Variants in SOX6 observed in about 807,000 individuals in gnomAD.
SOX6 encodes transcription factor SOX-6.
Under a neutral mutation model 97.8 loss-of-function variants are expected in SOX6, and 11 were observed. That is an observed-to-expected ratio of 0.11 (90% CI 0.07 to 0.19). The LOEUF is 0.19. SOX6 is among the 10% of genes least tolerant of loss of function. The probability of loss-of-function intolerance (pLI) is 1.00; values close to 1 mark genes in which losing one functional copy is unlikely to be tolerated. For synonymous variants in SOX6, 360 were observed against 371.4 expected (o/e 0.97, Z 0.35); for missense variants, 810 against 1,039.5 (o/e 0.78, Z 3.04).
At chr11:16,429,020 G>C (rs183109330) in intron 1 of SOX6, among the ~76,000 whole-genome samples, 1 of 151,726 alleles carries the variant, frequency 6.6e-6, no homozygotes, top group East Asian at 1.9e-4. Flanking sequence ...GGTTCTCCTT[G>C]AACAGGCACT....
chr11:16,612,765 C>G (rs1056753756), intron 3 of SOX6, among the ~76,000 whole-genome samples: 1 of 152,074 alleles, frequency 6.6e-6, no homozygotes, highest in African/African-American at 2.4e-5. Context: ...CCATTCCCCT[C>G]TAATGAGACG....
chr11:16,686,032 C>A (rs945469579), intron 3 of SOX6, among the ~76,000 whole-genome samples: 1 of 152,234 alleles, frequency 6.6e-6, no homozygotes, highest in Non-Finnish European at 1.5e-5. Context: ...AGCCATGATG[C>A]GGAAGGTTGT....
chr11:16,254,275 A>G (rs1853613598), intron 3 of SOX6, among the ~76,000 whole-genome samples: 1 of 152,104 alleles, frequency 6.6e-6, no homozygotes, highest in Non-Finnish European at 1.5e-5. Context: ...AAGGAAGAGC[A>G]TTAATAAAAG....
At position 16,290,279 on chromosome 11, in the gene SOX6, T is replaced by C. The variant is rs530573489; in HGVS notation, c.445+28167A>G. On this transcript the variant is annotated intron_variant, in intron 3 of 15. Coordinates refer to ENST00000683767, the MANE Select transcript of SOX6 (RefSeq NM_001367873.1). ...TAAATAAAATAGCTTTCAAGTTTTC[T>C]TAGTTGGTGAATTATTTCCATCTGA... Among the ~76,000 whole-genome samples, 4 of 152,182 alleles carry C rather than the reference T, an allele frequency of 2.6e-5. No individual in the cohort carries two copies. In the East Asian group the frequency reaches 7.7e-4, roughly 29 times the overall value.
rs191232264 is a variant in SOX6, at chr11:16,399,485, T to C, written c.-4-58233A>G. Among the ~76,000 whole-genome samples the C allele has an allele frequency of 2.3e-3, 344 of 151,434 alleles. 1 individual carries two copies. The highest frequency in any genetic ancestry group is 7.6e-3 in the African/African-American group (314 of 41,432). On this transcript the variant is annotated intron_variant, in intron 1 of 15. Transcript: ENST00000396356. ...AAGTGATCCTCTCACCTCAGCCTCC[T>C]GAGTACTACATTATTTTTAAAGGAA...
intron 2 of SOX6, among the ~76,000 whole-genome samples, chr11:16,717,877 T>A (rs1848229858): frequency 2.0e-5 from 3 of 152,040 alleles, no homozygotes. Context: ...TTTTTTTTTT[T>A]TAAGCTTTTC....
At chr11:16,131,617 T>C (rs1417128660) in intron 6 of SOX6, among the ~76,000 whole-genome samples, 1 of 151,564 alleles carries the variant, frequency 6.6e-6, no homozygotes, top group Non-Finnish European at 1.5e-5. Context: ...TGAAAACATA[T>C]GTCTGCATAG....
chr11:16,629,221 T>G (rs1296278797), intron 3 of SOX6, among the ~76,000 whole-genome samples: 2 of 152,208 alleles, frequency 1.3e-5, no homozygotes, highest in Non-Finnish European at 2.9e-5. Flanking sequence ...AGCATGACAT[T>G]GGCTGTGGTG....
intron 4 of SOX6, among the ~76,000 whole-genome samples, chr11:16,583,617 A>ATATATATATATATATATATATACATATG (rs1848056460): frequency 2.4e-5 from 2 of 82,460 alleles, no homozygotes; most frequent in Non-Finnish European, 2.4e-5. Context: ...ATATATACAT[A>ATATATATATATATATATATATACATATG]TATATATATA....
intron 4 of SOX6, among the ~76,000 whole-genome samples, chr11:16,231,819 G>T (rs1191900107): frequency 1.3e-5 from 2 of 151,574 alleles, no homozygotes; most frequent in East Asian, 3.9e-4. Context: ...TATTTTAGAA[G>T]ATAACTCAAT....
chr11:16,403,416 T>G (rs1167316278), intron 1 of SOX6, among the ~76,000 whole-genome samples: 1 of 151,768 alleles, frequency 6.6e-6, no homozygotes, highest in Non-Finnish European at 1.5e-5. Flanking sequence ...TGTAGAATTG[T>G]TTTCTTTTGA....
intron 9 of SOX6, among the ~76,000 whole-genome samples, chr11:16,093,672 T>A (rs1848737311): frequency 1.3e-5 from 2 of 151,934 alleles, no homozygotes; most frequent in African/African-American, 4.8e-5. Context: ...CCAGTTAATA[T>A]CATTGTAATG....
At chr11:16,428,166 T>C (rs1263406381) in intron 1 of SOX6, among the ~76,000 whole-genome samples, 2 of 152,168 alleles carry the variant, frequency 1.3e-5, no homozygotes, top group Non-Finnish European at 2.9e-5. Flanking sequence ...CGCCCACTTT[T>C]TGATGGGGTT....
chr11:15,984,062 A>G (rs1359800983), intron 15 of SOX6, among the ~76,000 whole-genome samples: 1 of 152,134 alleles, frequency 6.6e-6, no homozygotes, highest in Non-Finnish European at 1.5e-5. Context: ...GCTCTTTATC[A>G]CCTTTCTGTA....
intron 3 of SOX6, among the ~76,000 whole-genome samples, chr11:16,243,084 C>T (rs1853240186): frequency 1.3e-5 from 2 of 151,976 alleles, no homozygotes; most frequent in South Asian, 4.1e-4. Context: ...ACTGTGCCTA[C>T]ATCAAATGCC....
chr11:16,494,515 G>A (rs915105636), intron 4 of SOX6, among the ~76,000 whole-genome samples: 1 of 152,146 alleles, frequency 6.6e-6, no homozygotes, highest in Non-Finnish European at 1.5e-5. Flanking sequence ...TACCATTTGT[G>A]TTAAGGAAAA....
At chr11:16,135,201 A>G (rs1438948325) in intron 6 of SOX6, among the ~76,000 whole-genome samples, 1 of 152,188 alleles carries the variant, frequency 6.6e-6, no homozygotes, top group Admixed American at 6.5e-5. Context: ...CTCATTAACA[A>G]TGCAGATCAC....
intron 2 of SOX6, among the ~76,000 whole-genome samples, chr11:16,325,701 T>C (rs1010561503): frequency 1.3e-5 from 2 of 152,134 alleles, no homozygotes; most frequent in Non-Finnish European, 1.5e-5. Context: ...AAAAAATTAA[T>C]CTTCACATAA....
At chr11:16,455,725 A>C (rs910120721) in intron 1 of SOX6, among the ~76,000 whole-genome samples, 2 of 152,096 alleles carry the variant, frequency 1.3e-5, no homozygotes, top group African/African-American at 4.8e-5. Flanking sequence ...GTGTCATTCC[A>C]TTGGCATTTT....
Sources: allele counts gnomAD v4.1 joint callset (sites outside exome capture counted in the v4.1 genomes callset), GRCh38; gene constraint gnomAD v4.1.1; transcripts MANE v1.5; gene names NCBI Gene and HGNC (gene_info 2026-07-23, HGNC 2026-07-21).